PTCHD4: variants seen among roughly 807,000 people sequenced by gnomAD.
PTCHD4 encodes the protein patched domain containing 4, also known as patched domain-containing protein 4.
A neutral mutation model predicts 58.1 loss-of-function variants in PTCHD4; 33 were observed. That is an observed-to-expected ratio of 0.57 (90% CI 0.43 to 0.76). PTCHD4 has a LOEUF of 0.76. Ranked by LOEUF, PTCHD4 falls within the 30% of genes least tolerant of loss-of-function variation. PTCHD4 has a pLI of 0.00. For synonymous variants in PTCHD4, 478 were observed against 409.6 expected, an observed-to-expected ratio of 1.17 and a Z score of -2.02; for missense variants, 1,058 against 1,027.1, an observed-to-expected ratio of 1.03 and a Z score of -0.41.
chr6:47,862,593 G>GA lies in PTCHD4; in HGVS notation c.*15709dup, dbSNP rs1365529459. On this transcript the variant is annotated 3_prime_UTR_variant, in exon 5 of 5. Coordinates refer to ENST00000339488, the MANE Select transcript of PTCHD4 (RefSeq NM_001384253.1). ...TCCATTTGCTTACTTCTCATTCCCT[G>GA]AAATTGTACTGGGACAGAAGGGAAA... Among the ~76,000 whole-genome samples, 4 of 151,594 alleles carry GA rather than the reference G, an allele frequency of 2.6e-5. No individual in the cohort carries two copies. Among genetic ancestry groups the GA allele is most frequent in the Non-Finnish European group, 3.0e-5 (2 of 67,760 alleles).
At chr6:47,986,992 CT>C (rs199730656) in intron 4 of PTCHD4, among the ~76,000 whole-genome samples, 1 of 151,580 alleles carries the variant, frequency 6.6e-6, no homozygotes, top group Admixed American at 6.6e-5. Flanking sequence ...GTGGCAAAAC[CT>C]TTTTTTTGAG....
At chr6:48,098,342 CTTTTTT>C (rs776103767) in intron 1 of PTCHD4, among the ~76,000 whole-genome samples, 5 of 140,272 alleles carry the variant, frequency 3.6e-5, no homozygotes, top group South Asian at 4.8e-4. Context: ...TCTTCTTCTT[CTTTTTT>C]TTTTTTTTGA....
At position 47,869,681 on chromosome 6, in the gene PTCHD4, A is replaced by G. The variant is rs1763666038; in HGVS notation, c.*8622T>C. ...CACGGAGAGATAATTGATATATATC[A>G]TCACAGTATTATTTTAATGTATGTA... On this transcript the variant is annotated 3_prime_UTR_variant, in exon 5 of 5. Transcript: ENST00000339488. Among the ~76,000 whole-genome samples the G allele has an allele frequency of 6.6e-6, 1 of 151,712 alleles. No individual in the cohort carries two copies. The highest frequency in any genetic ancestry group is 2.1e-4 in the South Asian group (1 of 4,832).
chr6:48,027,589 A>T (rs1367108984), intron 3 of PTCHD4, among the ~76,000 whole-genome samples: 1 of 152,140 alleles, frequency 6.6e-6, no homozygotes, highest in African/African-American at 2.4e-5. Flanking sequence ...ATAAATCTAG[A>T]TCATTTCTAA....
At chr6:47,996,937 A>G (rs1490140615) in intron 4 of PTCHD4, among the ~76,000 whole-genome samples, 2 of 152,230 alleles carry the variant, frequency 1.3e-5, no homozygotes, top group Non-Finnish European at 2.9e-5. Flanking sequence ...GAGCTAGTAA[A>G]ATCACAAGTC....
At position 47,892,288 on chromosome 6, in the gene PTCHD4, G is replaced by A. The variant is rs903955505; in HGVS notation, c.899-12352C>T. 6.6e-5 allele frequency among the ~76,000 whole-genome samples: 10 copies of A among 151,988 alleles called. No homozygotes were observed. The South Asian group carries it at 1.0e-3, about 16-fold the overall frequency. On this transcript the variant is annotated intron_variant, in intron 4 of 4. Transcript: ENST00000339488. ...CATATACTTTAAAAATTAAGACCTA[G>A]AATAAAAAAGAAAATAATAAATACA... is the stretch of plus-strand genomic sequence containing the variant.
At chr6:47,941,752 G>C (rs564709475) in intron 4 of PTCHD4, among the ~76,000 whole-genome samples, 2 of 152,178 alleles carry the variant, frequency 1.3e-5, no homozygotes, top group Admixed American at 1.3e-4. Flanking sequence ...GTGGTTATGT[G>C]GTTTAGTGAA....
At chr6:48,004,063 T>A (rs1380867817) in intron 4 of PTCHD4, among the ~76,000 whole-genome samples, 1 of 152,208 alleles carries the variant, frequency 6.6e-6, no homozygotes, top group Non-Finnish European at 1.5e-5. Context: ...GTTGTCCTAT[T>A]CATCCCTTTT....
At chr6:47,988,437 G>A (rs1178295624) in intron 4 of PTCHD4, among the ~76,000 whole-genome samples, 1 of 152,162 alleles carries the variant, frequency 6.6e-6, no homozygotes, top group African/African-American at 2.4e-5. Flanking sequence ...AACAGCAGTA[G>A]AGCCACAGAA....
In PTCHD4 at chr6:47,942,081, C is replaced by T. The variant is rs576036682; in HGVS notation, c.899-62145G>A. On this transcript the variant is annotated intron_variant, in intron 4 of 4. Coordinates refer to ENST00000339488, the MANE Select transcript of PTCHD4 (RefSeq NM_001384253.1). ...CCTCAGTATTTCTGTCTATATTATG[C>T]AATTTGGCCATTCACCTTGTTCATG... 1.5e-4 allele frequency among the ~76,000 whole-genome samples: 23 copies of T among 152,298 alleles called. No homozygotes were observed. In the East Asian group the frequency reaches 3.3e-3, roughly 22 times the overall value.
intron 4 of PTCHD4, among the ~76,000 whole-genome samples, chr6:47,956,115 C>A (rs1766849678): frequency 6.6e-6 from 1 of 152,140 alleles, no homozygotes; most frequent in African/African-American, 2.4e-5. Flanking sequence ...TCCTTTTCAT[C>A]AAGTGAGATT....
chr6:47,960,449 T>A (rs78303852), intron 4 of PTCHD4, among the ~76,000 whole-genome samples: 5,035 of 152,182 alleles, frequency 0.033, 149 homozygotes, highest in African/African-American at 0.074. Context: ...TAACTGTATT[T>A]TGTCTACAAG....
chr6:48,102,037 A>G (rs922226542), intron 1 of PTCHD4, among the ~76,000 whole-genome samples: 6 of 152,196 alleles, frequency 3.9e-5, no homozygotes, highest in African/African-American at 1.4e-4. Context: ...AGCCTGCTGC[A>G]TGTTCATTTC....
intron 1 of PTCHD4, among the ~76,000 whole-genome samples, chr6:48,110,187 G>T (rs1218250703): frequency 6.6e-6 from 1 of 152,152 alleles, no homozygotes; most frequent in African/African-American, 2.4e-5. Flanking sequence ...ATTTACAATA[G>T]CCAAAACATA....
chr6:47,908,158 C>T (rs1764959094), intron 4 of PTCHD4, among the ~76,000 whole-genome samples: 1 of 151,984 alleles, frequency 6.6e-6, no homozygotes, highest in Non-Finnish European at 1.5e-5. Flanking sequence ...GTCATTGGAA[C>T]CATAGCCCCA....
intron 4 of PTCHD4, among the ~76,000 whole-genome samples, chr6:47,953,351 T>G (rs2113951720): frequency 6.6e-6 from 1 of 152,298 alleles, no homozygotes; most frequent in East Asian, 1.9e-4. Flanking sequence ...GAAATCTACC[T>G]ACATGAAAGT....
intron 4 of PTCHD4, among the ~76,000 whole-genome samples, chr6:47,906,727 T>C (rs990323192): frequency 6.6e-6 from 1 of 152,210 alleles, no homozygotes; most frequent in Non-Finnish European, 1.5e-5. Flanking sequence ...GTGGTAATTA[T>C]GGTGAAATCT....
At chr6:48,028,338 A>G (rs1251896968) in intron 3 of PTCHD4, among the ~76,000 whole-genome samples, 1 of 151,966 alleles carries the variant, frequency 6.6e-6, no homozygotes, top group Non-Finnish European at 1.5e-5. Context: ...TTTGCTTTAA[A>G]GTAGAATGAC....
rs1303807528 is a variant in PTCHD4, at chr6:47,876,967, T to G, written c.*1336A>C. On this transcript the variant is annotated 3_prime_UTR_variant, in exon 5 of 5. Coordinates refer to ENST00000339488, the MANE Select transcript of PTCHD4 (RefSeq NM_001384253.1). ...GAGGTGGGCCAACCGAGGAGCACTTTCCAGGTAACAAGAGCAACACTATTG... is the reference window on the plus strand; with the variant it reads ...GAGGTGGGCCAACCGAGGAGCACTTGCCAGGTAACAAGAGCAACACTATTG... 6.6e-6 allele frequency among the ~76,000 whole-genome samples: 1 copy of G among 152,016 alleles called. No homozygotes were observed. The highest frequency in any genetic ancestry group is 1.5e-5 in the Non-Finnish European group (1 of 67,964).
Sources: gnomAD v4.1 joint callset for allele counts (sites outside exome capture counted in the v4.1 genomes callset) on GRCh38, gnomAD v4.1.1 for gene constraint, MANE v1.5 for transcripts, NCBI Gene and HGNC (gene_info 2026-07-23, HGNC 2026-07-21) for gene names.